Variants in RNF19A observed in about 807,000 individuals in gnomAD.
RNF19A encodes ring finger protein 19A, RBR E3 ubiquitin protein ligase, also known as E3 ubiquitin-protein ligase RNF19A.
A neutral mutation model predicts 75.7 loss-of-function variants in RNF19A; 32 were observed. That is an observed-to-expected ratio of 0.42 (90% CI 0.32 to 0.57). The LOEUF is 0.57. Among genes scored for constraint, RNF19A ranks in the 20% least tolerant of loss-of-function variants. The probability of loss-of-function intolerance (pLI) is 0.10; values close to 1 mark genes in which losing one functional copy is unlikely to be tolerated. For missense variants in RNF19A, 782 were observed against 1,036.3 expected, an observed-to-expected ratio of 0.75 and a Z score of 3.37; for synonymous variants, 335 against 345.2, an observed-to-expected ratio of 0.97 and a Z score of 0.33.
chr8:100,287,736 T>G lies in RNF19A; in HGVS notation c.439A>C (p.Ile147Leu), dbSNP rs1406060448. 1 of 1,614,040 alleles carries G rather than the reference T, an allele frequency of 6.2e-7. No individual in the cohort carries two copies. Among genetic ancestry groups the G allele is most frequent in the Admixed American group, 1.7e-5 (1 of 60,006 alleles). Residue 147 changes from isoleucine (I) to leucine (L), a missense_variant, in exon 2 of 10, where the codon ATA becomes CTA. Coordinates refer to ENST00000341084, the MANE Select transcript of RNF19A (RefSeq NM_183419.4). This position sits in a 1 kb window ranked among gnomAD's most constrained non-coding sequence, Gnocchi z 4.1. ...LRHSKDRFPDIMTCHHRSCVD... is the reference protein window; with the variant it reads ...LRHSKDRFPDLMTCHHRSCVD... ...CAAGATCTGTGATGACAAGTCATTA[T>G]ATCAGGAAATCTGTCTTTAGAATGC...
chr8:100,306,226 T>C (rs1241891557), intron 1 of RNF19A, among the ~76,000 whole-genome samples: 1 of 152,168 alleles, frequency 6.6e-6, no homozygotes, highest in Non-Finnish European at 1.5e-5. Context: ...AGTTTCGAAG[T>C]TTCTTTTGGG....
chr8:100,299,082 T>C (rs541114835), intron 1 of RNF19A, among the ~76,000 whole-genome samples: 2 of 152,362 alleles, frequency 1.3e-5, no homozygotes, highest in South Asian at 4.1e-4. Context: ...CACATTTTGC[T>C]TACTGTGTCC....
Position 100,275,198 on chromosome 8 carries a change from TA to T in RNF19A, c.675-38del, listed in dbSNP as rs779536957. On this transcript the variant is annotated intron_variant, in intron 2 of 9. Transcript: ENST00000341084. This position sits in a 1 kb window ranked among gnomAD's most constrained non-coding sequence, Gnocchi z 4.3. Reference sequence around the variant, plus strand: ...AAGAAAAATGATTTAAAATGTGACATAAAACAAGAGATACTCATTTCAAAAA... The same window carrying T: ...AAGAAAAATGATTTAAAATGTGACATAAACAAGAGATACTCATTTCAAAAA... The T allele has an allele frequency of 1.3e-6, 2 of 1,571,196 alleles. No homozygotes were observed. The highest frequency in any genetic ancestry group is 1.8e-6 in the Non-Finnish European group (2 of 1,142,160).
intron 1 of RNF19A, among the ~76,000 whole-genome samples, chr8:100,320,116 G>A (rs187727686): frequency 8.1e-4 from 123 of 152,326 alleles, no homozygotes; most frequent in African/African-American, 2.8e-3. Context: ...GATTACAGGC[G>A]TGAGCCACTG....
In RNF19A at chr8:100,275,212, C is replaced by T. The variant is rs1289003574; in HGVS notation, c.675-51G>A. ...AAAATGTGACATAAAACAAGAGATA[C>T]TCATTTCAAAAAGTATCCAACTAAA... On this transcript the variant is annotated intron_variant, in intron 2 of 9. Transcript: ENST00000341084. This position sits in a 1 kb window ranked among gnomAD's most constrained non-coding sequence, Gnocchi z 4.3. The T allele has an allele frequency of 1.3e-6, 2 of 1,509,120 alleles. No homozygotes were observed. Among genetic ancestry groups the T allele is most frequent in the Non-Finnish European group, 1.8e-6 (2 of 1,090,734 alleles). 93.5% of individuals were successfully genotyped at this position (1,509,120 alleles called of 1,614,324 possible).
At chr8:100,303,852 G>A (rs1258927666) in intron 1 of RNF19A, among the ~76,000 whole-genome samples, 5 of 151,654 alleles carry the variant, frequency 3.3e-5, no homozygotes, top group Non-Finnish European at 5.9e-5. Context: ...AATGAGAATC[G>A]TTTCAGCCTG....
chr8:100,267,392 T>C (rs1300048357), intron 5 of RNF19A, among the ~76,000 whole-genome samples: 1 of 152,096 alleles, frequency 6.6e-6, no homozygotes, highest in Non-Finnish European at 1.5e-5. Context: ...ATTTTAGAGA[T>C]AGGATCTTGC....
In RNF19A at chr8:100,323,192, T is replaced by C. The variant is rs1216352565; in HGVS notation, c.-242-9820A>G. Among the ~76,000 whole-genome samples the C allele has an allele frequency of 2.0e-5, 3 of 152,240 alleles. No individual in the cohort carries two copies. The highest frequency in any genetic ancestry group is 4.4e-5 in the Non-Finnish European group (3 of 68,048). ...TAAATATTAGCTGTTACCCAGAGTG[T>C]TATTTTAAGATGATGGGATATAGGA... On this transcript the variant is annotated intron_variant, in intron 1 of 3. Coordinates refer to the RNF19A transcript ENST00000519527. This position sits in a 1 kb window ranked among gnomAD's most constrained non-coding sequence, Gnocchi z 4.6.
chr8:100,299,719 T>C (rs1563862506), intron 1 of RNF19A, among the ~76,000 whole-genome samples: 1 of 151,866 alleles, frequency 6.6e-6, no homozygotes, highest in African/African-American at 2.4e-5. Flanking sequence ...GATTGTGCCA[T>C]TGCACTCCAG....
chr8:100,307,405 CAT>C (rs1057442282), intron 1 of RNF19A, among the ~76,000 whole-genome samples: 1 of 152,172 alleles, frequency 6.6e-6, no homozygotes, highest in Non-Finnish European at 1.5e-5. Flanking sequence ...CAGAAAACTA[CAT>C]ATCTCAACCA....
At position 100,325,138 on chromosome 8, in the gene RNF19A, C is replaced by T. The variant is rs1435906592; in HGVS notation, c.-243+10970G>A. Among the ~76,000 whole-genome samples the T allele has an allele frequency of 6.6e-6, 1 of 152,186 alleles. No homozygotes were observed. Among genetic ancestry groups the T allele is most frequent in the East Asian group, 1.9e-4 (1 of 5,188 alleles). ...GGTCAGGCTGGTCTCGAACTCCTGA[C>T]CTCAGGTGATCCACCTGCCCTGGCC... On this transcript the variant is annotated intron_variant, in intron 1 of 3. Transcript: ENST00000519527. The surrounding 1 kb of genome is among the most constrained non-coding windows in gnomAD (Gnocchi z 4.3).
intron 2 of RNF19A, among the ~76,000 whole-genome samples, chr8:100,276,393 T>A (rs997914304): frequency 6.6e-6 from 1 of 152,042 alleles, no homozygotes; most frequent in Non-Finnish European, 1.5e-5. Flanking sequence ...AGATTAGTGG[T>A]TGCCAAGGAT....
chr8:100,332,076 T>C lies in RNF19A; in HGVS notation c.-243+4032A>G, dbSNP rs1822619350. The stretch of plus-strand genomic sequence containing the variant: ...AACATATTTGTAAGAATTATCTGGG[T>C]TATATATTATTTTACACATATTGTG... On this transcript the variant is annotated intron_variant, in intron 1 of 3. Coordinates refer to the RNF19A transcript ENST00000519527. The surrounding 1 kb of genome is among the most constrained non-coding windows in gnomAD (Gnocchi z 4.8). Among the ~76,000 whole-genome samples, 1 of 152,190 alleles carries C rather than the reference T, an allele frequency of 6.6e-6. No homozygotes were observed. Among genetic ancestry groups the C allele is most frequent in the Non-Finnish European group, 1.5e-5 (1 of 68,036 alleles).
At chr8:100,310,154 C>T (rs1822246531), upstream of RNF19A, 3 of 985,314 alleles carry the variant, frequency 3.0e-6, no homozygotes, top group Admixed American at 1.2e-4. Context: ...ACTTCTTCCT[C>T]CCGCCCCCGG....
chr8:100,272,742 C>A (rs1820317017), intron 3 of RNF19A, among the ~76,000 whole-genome samples: 1 of 152,006 alleles, frequency 6.6e-6, no homozygotes, highest in Admixed American at 6.6e-5. Context: ...CGGGATTTCA[C>A]CATGTTGCCC....
At chr8:100,312,688 C>T (rs1353433233), upstream of RNF19A, among the ~76,000 whole-genome samples, 1 of 152,160 alleles carries the variant, frequency 6.6e-6, no homozygotes, top group African/African-American at 2.4e-5. Flanking sequence ...CTTTGGGAGG[C>T]TTAGGTGAGT....
chr8:100,269,825 A>T lies in RNF19A; in HGVS notation c.1028+44T>A. 6.9e-7 allele frequency: 1 copy of T among 1,443,480 alleles called. No homozygotes were observed. The highest frequency in any genetic ancestry group is 9.2e-7 in the Non-Finnish European group (1 of 1,081,712). 89.4% of individuals were successfully genotyped at this position (1,443,480 alleles called of 1,614,324 possible). A position where few individuals can be genotyped will look rare whatever the true frequency, so the allele number is the denominator to read the frequency against. ...AAGACAAGTTATTTTGTCTTACAAT[A>T]TAAAATTACATTTACATATAAATAG... On this transcript the variant is annotated intron_variant, in intron 4 of 9. Transcript: ENST00000341084. This position sits in a 1 kb window ranked among gnomAD's most constrained non-coding sequence, Gnocchi z 5.7.
At chr8:100,266,546 T>C (rs1819988177) in intron 5 of RNF19A, among the ~76,000 whole-genome samples, 1 of 152,240 alleles carries the variant, frequency 6.6e-6, no homozygotes, top group African/African-American at 2.4e-5. Context: ...GGTCTCTCTG[T>C]GTCGCTCAGA....
At chr8:100,313,902 C>CTTTTTTTTTTT (rs371385291), upstream of RNF19A, among the ~76,000 whole-genome samples, 7 of 132,606 alleles carry the variant, frequency 5.3e-5, 2 homozygotes, top group African/African-American at 1.2e-4. Flanking sequence ...AAGAGAACTA[C>CTTTTTTTTTTT]TTTTTTTTTG....
Sources: gnomAD v4.1 joint callset for allele counts (sites outside exome capture counted in the v4.1 genomes callset) on GRCh38, gnomAD v4.1.1 for gene constraint, Gnocchi (gnomAD v3.1) non-coding constraint, MANE v1.5 for transcripts, NCBI Gene and HGNC (gene_info 2026-07-23, HGNC 2026-07-21) for gene names.